LARP1B: variants seen among roughly 807,000 people sequenced by gnomAD.
LARP1B encodes La ribonucleoprotein 1B, also known as la-related protein 1B.
Under a neutral mutation model 114.2 loss-of-function variants are expected in LARP1B, and 76 were observed. The ratio of observed to expected loss-of-function variants is 0.67; its 90% CI spans 0.55 to 0.81. The LOEUF (loss-of-function observed/expected upper bound fraction) is 0.81, where lower values mean the gene tolerates loss of function less well. Among genes scored for constraint, LARP1B ranks in the 30% least tolerant of loss-of-function variants. The probability of loss-of-function intolerance (pLI) is 0.00; values close to 1 mark genes in which losing one functional copy is unlikely to be tolerated. For synonymous variants in LARP1B, 345 were observed against 348.0 expected (o/e 0.99, Z 0.10); for missense variants, 1,014 against 1,075.8 (o/e 0.94, Z 0.80).
At chr4:128,071,394 A>G (rs577142671) in intron 1 of LARP1B, among the ~76,000 whole-genome samples, 1 of 146,020 alleles carries the variant, frequency 6.8e-6, no homozygotes, top group Non-Finnish European at 1.5e-5. Context: ...TCCCACTATT[A>G]GAGTTTGAGA....
At chr4:128,142,912 A>T (rs1728679875) in intron 11 of LARP1B, among the ~76,000 whole-genome samples, 1 of 152,152 alleles carries the variant, frequency 6.6e-6, no homozygotes, top group Non-Finnish European at 1.5e-5. Context: ...GTGAGCTCTC[A>T]AGTTAACTGT....
chr4:128,165,412 T>C (rs1740355571), intron 12 of LARP1B, among the ~76,000 whole-genome samples: 1 of 151,714 alleles, frequency 6.6e-6, no homozygotes, highest in African/African-American at 2.4e-5. Context: ...GTTGAATAGA[T>C]TAATGTTCAA....
At chr4:128,209,639 C>T (rs987168456) in intron 19 of LARP1B, among the ~76,000 whole-genome samples, 12 of 148,724 alleles carry the variant, frequency 8.1e-5, no homozygotes, top group African/African-American at 2.5e-4. Context: ...GGAAGAATGG[C>T]GTGAACCCGG....
rs191225368 is a variant in LARP1B at position 128,129,945 on chromosome 4, T to C, written c.1524+7757T>C. ...GATCTAAGAGAAAATCTAGATGACC[T>C]TGGGCTTATCATGACTTTTTAGATT... On this transcript the variant is annotated intron_variant, in intron 11 of 19. Coordinates refer to ENST00000326639, the MANE Select transcript of LARP1B (RefSeq NM_018078.4). 9.3e-4 allele frequency among the ~76,000 whole-genome samples: 141 copies of C among 152,330 alleles called. 1 individual carries two copies. Among genetic ancestry groups the C allele is most frequent in the African/African-American group, 3.3e-3 (137 of 41,580 alleles).
At chr4:128,146,261 A>T (rs1435432836) in intron 11 of LARP1B, among the ~76,000 whole-genome samples, 1 of 152,224 alleles carries the variant, frequency 6.6e-6, no homozygotes, top group Non-Finnish European at 1.5e-5. Flanking sequence ...TATGTTTTGT[A>T]TACAGTGGTA....
Position 128,114,630 on chromosome 4 carries a change from C to G in LARP1B, c.1049C>G (p.Thr350Arg). The change falls in exon 10 of 20, where the codon ACA (threonine) becomes AGA (arginine). Residue 350 changes from threonine (T) to arginine (R), a missense_variant. Physicochemically the swap from Thr to Arg is moderately conservative, Grantham distance 71. Coordinates refer to ENST00000326639, the MANE Select transcript of LARP1B (RefSeq NM_018078.4). ...TTGAGCCCAAAGAAAAACAGTGAAACAAGTATTCTTCAAGCAATGTCTAGA... is the reference window on the plus strand; with the variant it reads ...TTGAGCCCAAAGAAAAACAGTGAAAGAAGTATTCTTCAAGCAATGTCTAGA... ...SPLSPKKNSETSILQAMSRGL... is the reference protein window; with the variant it reads ...SPLSPKKNSERSILQAMSRGL... The G allele has an allele frequency of 6.2e-7, 1 of 1,613,802 alleles. No homozygotes were observed. The highest frequency in any genetic ancestry group is 8.5e-7 in the Non-Finnish European group (1 of 1,179,784).
At chr4:128,125,360 A>T (rs569344809) in intron 11 of LARP1B, among the ~76,000 whole-genome samples, 1 of 152,334 alleles carries the variant, frequency 6.6e-6, no homozygotes, top group East Asian at 1.9e-4. Context: ...CTGTTCCCCA[A>T]AAATCTATGG....
intron 3 of LARP1B, among the ~76,000 whole-genome samples, chr4:128,075,827 G>A (rs538633890): frequency 9.9e-5 from 15 of 152,136 alleles, no homozygotes; most frequent in African/African-American, 3.4e-4. Flanking sequence ...GATTATAGGC[G>A]TTAGCCACCA....
intron 8 of LARP1B, among the ~76,000 whole-genome samples, chr4:128,105,748 C>T (rs971876832): frequency 3.3e-5 from 5 of 151,924 alleles, no homozygotes; most frequent in South Asian, 2.1e-4. Flanking sequence ...AAAAATTAGC[C>T]GGGTGTGGTA....
At chr4:128,115,474 G>GT (rs1439290424) in intron 10 of LARP1B, among the ~76,000 whole-genome samples, 2 of 152,128 alleles carry the variant, frequency 1.3e-5, no homozygotes, top group Admixed American at 1.3e-4. Flanking sequence ...AGGAGGCTGA[G>GT]ACAGGAGGAA....
chr4:128,187,979 A>C lies in LARP1B; in HGVS notation c.2003+8467A>C, dbSNP rs1010859523. 8.5e-5 allele frequency among the ~76,000 whole-genome samples: 13 copies of C among 152,048 alleles called. 1 individual carries two copies. The South Asian group carries it at 1.0e-3, about 12-fold the overall frequency. On this transcript the variant is annotated intron_variant, in intron 15 of 19. Transcript: ENST00000326639. The stretch of plus-strand genomic sequence containing the variant: ...TCCACCATGATTGTAAGTTTTCCTA[A>C]GGCCTCCCTAGAAGCTGAGCCAGCA...
chr4:128,103,013 A>G lies in LARP1B; in HGVS notation c.814-4126A>G, dbSNP rs148096660. Among the ~76,000 whole-genome samples, 7 of 152,284 alleles carry G rather than the reference A, an allele frequency of 4.6e-5. No homozygotes were observed. The East Asian group carries it at 7.7e-4, about 17-fold the overall frequency. On this transcript the variant is annotated intron_variant, in intron 8 of 19. Coordinates refer to ENST00000326639, the MANE Select transcript of LARP1B (RefSeq NM_018078.4). ...ACCAGGCAGTAAGAATGCAACATCT[A>G]TGTATTCCGGCATTGGTAGTTATTC... is the stretch of plus-strand genomic sequence containing the variant.
chr4:128,071,798 C>T (rs1309089199), intron 1 of LARP1B, among the ~76,000 whole-genome samples: 1 of 150,080 alleles, frequency 6.7e-6, no homozygotes, highest in Non-Finnish European at 1.5e-5. Flanking sequence ...ATATTGATAT[C>T]ATCAGTGCAT....
intron 8 of LARP1B, 126 bp downstream of exon 8, chr4:128,098,456 C>A: frequency 1.5e-6 from 1 of 683,282 alleles, no homozygotes; most frequent in Non-Finnish European, 2.3e-6. Context: ...GACAGCATTC[C>A]ATGATGTTTT....
intron 7 of LARP1B, among the ~76,000 whole-genome samples, chr4:128,095,356 GCA>G (rs956517025): frequency 9.9e-5 from 15 of 151,850 alleles, no homozygotes; most frequent in Non-Finnish European, 1.6e-4. Flanking sequence ...GGGCATGGTG[GCA>G]CACACCTGTA....
intron 12 of LARP1B, among the ~76,000 whole-genome samples, chr4:128,166,984 A>ATG (rs1741284061): frequency 1.4e-5 from 2 of 147,098 alleles, no homozygotes; most frequent in African/African-American, 5.0e-5. Context: ...ATATATATAT[A>ATG]TATATATATA....
chr4:128,210,240 A>G lies in LARP1B; in HGVS notation c.*187A>G. The G allele has an allele frequency of 7.1e-7, 1 of 1,410,866 alleles. No individual in the cohort carries two copies. Among genetic ancestry groups the G allele is most frequent in the South Asian group, 1.7e-5 (1 of 60,410 alleles). The allele number at this position is 1,410,866 out of a possible 1,614,324, so 87.4% of individuals were successfully genotyped here. On this transcript the variant is annotated 3_prime_UTR_variant, in exon 20 of 20. Coordinates refer to ENST00000326639, the MANE Select transcript of LARP1B (RefSeq NM_018078.4). Reference sequence around the variant, plus strand: ...GAAAAGTGGTAGCATTTTTTCTAACAAGATAAATTCTAAAAATGTTTTCCC... The same window carrying G: ...GAAAAGTGGTAGCATTTTTTCTAACGAGATAAATTCTAAAAATGTTTTCCC...
chr4:128,136,321 C>CAAAAAAAAAAAAAAAAAAAAAA (rs1373935815), intron 11 of LARP1B, among the ~76,000 whole-genome samples: 1 of 148,394 alleles, frequency 6.7e-6, no homozygotes, highest in Non-Finnish European at 1.5e-5. Flanking sequence ...TCAAGAAAAA[C>CAAAAAAAAAAAAAAAAAAAAAA]AAAAAAACAA....
intron 5 of LARP1B, among the ~76,000 whole-genome samples, chr4:128,087,411 C>T (rs963713167): frequency 2.0e-5 from 3 of 151,882 alleles, no homozygotes; most frequent in Non-Finnish European, 2.9e-5. Flanking sequence ...TTTAAATATA[C>T]CTATGTAGAG....
Sources: allele counts gnomAD v4.1 joint callset (sites outside exome capture counted in the v4.1 genomes callset), GRCh38; gene constraint gnomAD v4.1.1; transcripts MANE v1.5; gene names NCBI Gene and HGNC (gene_info 2026-07-23, HGNC 2026-07-21).